Variants in CACNB2 observed in about 807,000 individuals in gnomAD.
The protein encoded by CACNB2 is voltage-dependent L-type calcium channel subunit beta-2.
Under a neutral mutation model 73.3 loss-of-function variants are expected in CACNB2, and 42 were observed. That is an observed-to-expected ratio of 0.57 (90% CI 0.45 to 0.74). The LOEUF is 0.74. Among genes scored for constraint, CACNB2 ranks in the 30% least tolerant of loss-of-function variants. CACNB2 has a pLI of 0.00. For synonymous variants in CACNB2, 348 were observed against 310.3 expected, an observed-to-expected ratio of 1.12 and a Z score of -1.28; for missense variants, 940 against 853.0, an observed-to-expected ratio of 1.10 and a Z score of -1.27.
At chr10:18,194,142 G>C (rs111280515) in intron 2 of CACNB2, among the ~76,000 whole-genome samples, 4 of 152,238 alleles carry the variant, frequency 2.6e-5, no homozygotes, top group African/African-American at 9.6e-5. Flanking sequence ...TGAGCTCACT[G>C]CTGTGGTTCC....
intron 2 of CACNB2, among the ~76,000 whole-genome samples, chr10:18,268,692 A>G (rs1218115927): frequency 6.6e-6 from 1 of 152,182 alleles, no homozygotes; most frequent in Non-Finnish European, 1.5e-5. Flanking sequence ...AGTATGTTGC[A>G]ATAAGTATGT....
chr10:18,529,151 T>C (rs1225105191), intron 10 of CACNB2, among the ~76,000 whole-genome samples: 2 of 152,226 alleles, frequency 1.3e-5, no homozygotes, highest in Non-Finnish European at 2.9e-5. Context: ...AAAATGCTTA[T>C]TTCATAAATT....
chr10:18,281,839 G>A (rs908741428), intron 2 of CACNB2, among the ~76,000 whole-genome samples: 8 of 151,996 alleles, frequency 5.3e-5, no homozygotes, highest in Non-Finnish European at 1.0e-4. Context: ...AATTAGCCGG[G>A]CATGATAGTG....
intron 2 of CACNB2, among the ~76,000 whole-genome samples, chr10:18,154,944 T>TA (rs2031921659): frequency 6.6e-6 from 1 of 152,120 alleles, no homozygotes; most frequent in South Asian, 2.1e-4. Context: ...TGCGAGAAAA[T>TA]TAATTATTGT....
intron 2 of CACNB2, among the ~76,000 whole-genome samples, chr10:18,185,639 T>C (rs2034112228): frequency 6.6e-6 from 1 of 152,154 alleles, no homozygotes; most frequent in African/African-American, 2.4e-5. Flanking sequence ...AAAACAGAAA[T>C]GAAAATACAT....
At chr10:18,490,951 G>C (rs2049381005) in intron 3 of CACNB2, among the ~76,000 whole-genome samples, 1 of 152,108 alleles carries the variant, frequency 6.6e-6, no homozygotes, top group Non-Finnish European at 1.5e-5. Flanking sequence ...CTTGGGATCT[G>C]GAATAGCTTC....
chr10:18,533,507 T>G (rs1275957528), intron 10 of CACNB2, among the ~76,000 whole-genome samples: 1 of 152,224 alleles, frequency 6.6e-6, no homozygotes, highest in Non-Finnish European at 1.5e-5. Context: ...CTCTGAAAAC[T>G]GCCCTTTTAA....
chr10:18,197,618 A>C (rs1334945531), intron 2 of CACNB2, among the ~76,000 whole-genome samples: 1 of 152,144 alleles, frequency 6.6e-6, no homozygotes, highest in Non-Finnish European at 1.5e-5. Context: ...GTTTCTAGGA[A>C]ACCTCTCTTT....
At chr10:18,273,287 C>A (rs74533422) in intron 2 of CACNB2, among the ~76,000 whole-genome samples, 1 of 151,972 alleles carries the variant, frequency 6.6e-6, no homozygotes. Context: ...GCTACTTGAT[C>A]GGCTCTCTCA....
intron 5 of CACNB2, among the ~76,000 whole-genome samples, chr10:18,504,159 C>T (rs185448169): frequency 1.1e-4 from 16 of 152,310 alleles, no homozygotes; most frequent in African/African-American, 3.8e-4. Context: ...AACATTAGTG[C>T]TCCACTCATC....
intron 2 of CACNB2, among the ~76,000 whole-genome samples, chr10:18,342,171 A>G (rs2041259750): frequency 6.6e-6 from 1 of 152,198 alleles, no homozygotes; most frequent in South Asian, 2.1e-4. Flanking sequence ...AATAACTGCT[A>G]TATTTTTTCC....
chr10:18,477,688 T>C (rs892335452), intron 3 of CACNB2, among the ~76,000 whole-genome samples: 8 of 152,066 alleles, frequency 5.3e-5, no homozygotes, highest in Admixed American at 2.6e-4. Context: ...AGAGGGAAGA[T>C]GGAGGGTGTG....
At chr10:18,442,934 ATATATATGTGTATATATATATATG>A (rs2046497015) in intron 3 of CACNB2, among the ~76,000 whole-genome samples, 1 of 29,872 alleles carries the variant, frequency 3.3e-5, no homozygotes, top group African/African-American at 2.2e-4. Context: ...ATGTATATAT[ATATATATGTGTATATATATATATG>A]TATATATATA....
intron 2 of CACNB2, among the ~76,000 whole-genome samples, chr10:18,170,041 G>C (rs1402373795): frequency 6.6e-6 from 1 of 152,158 alleles, no homozygotes; most frequent in Non-Finnish European, 1.5e-5. Flanking sequence ...CTTTCTTCCT[G>C]GTTCATACTG....
Position 18,218,759 on chromosome 10 carries a change from C to T in CACNB2, c.213+67784C>T, listed in dbSNP as rs12218657. Among the ~76,000 whole-genome samples, 2,682 of 152,180 alleles carry T rather than the reference C, an allele frequency of 0.018. 150 individuals carry two copies. In the East Asian group the frequency reaches 0.22, roughly 12 times the overall value. On this transcript the variant is annotated intron_variant, in intron 2 of 13. Coordinates refer to ENST00000324631, the MANE Select transcript of CACNB2 (RefSeq NM_201596.3). ...TGGCACGTGCCTGTAGTCCCAGCTA[C>T]TTGGGAGGCTGAGGCAGGATCACTT...
chr10:18,410,127 C>T (rs2044536971), intron 3 of CACNB2, among the ~76,000 whole-genome samples: 1 of 152,140 alleles, frequency 6.6e-6, no homozygotes, highest in South Asian at 2.1e-4. Flanking sequence ...CTGCAATCAG[C>T]TTTCTACTCC....
intron 2 of CACNB2, among the ~76,000 whole-genome samples, chr10:18,221,973 C>T (rs192857842): frequency 2.7e-4 from 41 of 152,222 alleles, no homozygotes; most frequent in African/African-American, 9.2e-4. Flanking sequence ...AAGGAGGGAC[C>T]AGAGAATTAG....
intron 2 of CACNB2, among the ~76,000 whole-genome samples, chr10:18,268,219 A>G (rs1056434348): frequency 2.6e-5 from 4 of 152,252 alleles, no homozygotes; most frequent in Non-Finnish European, 5.9e-5. Context: ...TTCATTCATG[A>G]AGCAATTACT....
chr10:18,145,994 C>T (rs1700087126), intron 1 of CACNB2, among the ~76,000 whole-genome samples: 4 of 152,108 alleles, frequency 2.6e-5, no homozygotes, highest in Admixed American at 1.3e-4. Context: ...TGCTAGACAC[C>T]CACCCCCATC....
Sources: gnomAD v4.1 joint callset for allele counts (sites outside exome capture counted in the v4.1 genomes callset) on GRCh38, gnomAD v4.1.1 for gene constraint, MANE v1.5 for transcripts, NCBI Gene and HGNC (gene_info 2026-07-23, HGNC 2026-07-21) for gene names.